The following BBX variants were observed in gnomAD, a reference collection of about 807,000 sequenced individuals.
BBX encodes the protein HMG box transcription factor BBX.
In BBX, 30 loss-of-function variants were observed where a neutral mutation model predicts 100.2. The observed-to-expected ratio is 0.30, with a 90% CI of 0.22 to 0.41. The LOEUF is 0.41. Among genes scored for constraint, BBX ranks in the 10% least tolerant of loss-of-function variants. The probability of loss-of-function intolerance (pLI) is 1.00; values close to 1 mark genes in which losing one functional copy is unlikely to be tolerated. For missense variants in BBX, 1,023 were observed against 1,129.8 expected, an observed-to-expected ratio of 0.91 and a Z score of 1.35; for synonymous variants, 376 against 388.1, an observed-to-expected ratio of 0.97 and a Z score of 0.37.
intron 15 of BBX, among the ~76,000 whole-genome samples, chr3:107,797,183 T>C (rs2069767358): frequency 1.3e-5 from 2 of 151,578 alleles, no homozygotes; most frequent in Non-Finnish European, 2.9e-5. Context: ...TTCATAGCCT[T>C]CTTTCTTGAG....
intron 2 of BBX, among the ~76,000 whole-genome samples, chr3:107,586,030 A>G (rs1021368355): frequency 2.0e-5 from 3 of 152,172 alleles, no homozygotes; most frequent in African/African-American, 4.8e-5. Context: ...ATGTTCTTTC[A>G]TATAACTGTA....
intron 3 of BBX, among the ~76,000 whole-genome samples, chr3:107,650,502 C>T (rs2057778946): frequency 6.6e-6 from 1 of 151,840 alleles, no homozygotes; most frequent in Non-Finnish European, 1.5e-5. Context: ...TGACGTTGTC[C>T]CCTTGTACTT....
chr3:107,721,166 G>A (rs139259529), intron 5 of BBX, among the ~76,000 whole-genome samples: 1 of 151,896 alleles, frequency 6.6e-6, no homozygotes, highest in Non-Finnish European at 1.5e-5. Flanking sequence ...TTAAAATTTT[G>A]TTTACATACT....
At chr3:107,608,900 T>A (rs555515245) in intron 2 of BBX, among the ~76,000 whole-genome samples, 4 of 152,360 alleles carry the variant, frequency 2.6e-5, no homozygotes, top group African/African-American at 9.6e-5. Context: ...TTTAGTACAC[T>A]GATCTTGTAT....
At chr3:107,535,811 C>T (rs1190730489) in intron 2 of BBX, among the ~76,000 whole-genome samples, 2 of 152,172 alleles carry the variant, frequency 1.3e-5, no homozygotes, top group South Asian at 2.1e-4. Flanking sequence ...GTTGGCCAGG[C>T]AGGTCTTCAA....
chr3:107,620,693 A>G (rs565352236), intron 2 of BBX, among the ~76,000 whole-genome samples: 1 of 152,284 alleles, frequency 6.6e-6, no homozygotes, highest in East Asian at 1.9e-4. Flanking sequence ...GCTTCTGCTG[A>G]TATCACTCTA....
intron 3 of BBX, among the ~76,000 whole-genome samples, chr3:107,691,887 C>G (rs1034332510): frequency 1.3e-5 from 2 of 152,112 alleles, no homozygotes; most frequent in Non-Finnish European, 2.9e-5. Flanking sequence ...AAACACTATA[C>G]TACTTAAAAT....
At chr3:107,528,282 A>G (rs2047917279) in intron 2 of BBX, among the ~76,000 whole-genome samples, 1 of 152,150 alleles carries the variant, frequency 6.6e-6, no homozygotes, top group Non-Finnish European at 1.5e-5. Flanking sequence ...CAAACTTCCC[A>G]TTTTATTATT....
At chr3:107,786,644 T>G (rs1284946141) in intron 13 of BBX, among the ~76,000 whole-genome samples, 3 of 152,124 alleles carry the variant, frequency 2.0e-5, no homozygotes, top group Non-Finnish European at 4.4e-5. Context: ...AAAATTTAAC[T>G]TAGAATAGAT....
chr3:107,588,239 A>T (rs748372534), intron 2 of BBX, among the ~76,000 whole-genome samples: 1 of 152,054 alleles, frequency 6.6e-6, no homozygotes, highest in Non-Finnish European at 1.5e-5. Flanking sequence ...TGTATGAGCC[A>T]GGTCTTAGAT....
chr3:107,545,061 C>T (rs909533467), intron 2 of BBX, among the ~76,000 whole-genome samples: 3 of 151,770 alleles, frequency 2.0e-5, no homozygotes, highest in African/African-American at 7.3e-5. Context: ...TAAGAGAATA[C>T]ATTATAGAGA....
At chr3:107,714,015 G>T (rs1272039338) in intron 4 of BBX, among the ~76,000 whole-genome samples, 2 of 86,146 alleles carry the variant, frequency 2.3e-5, no homozygotes, top group East Asian at 3.8e-4. Context: ...TTGCTCTGTT[G>T]CCCAGGCTGG....
rs1233694686 is a variant in BBX, at chr3:107,542,126, TAATA to T, written c.-84+15729_-84+15732del. On this transcript the variant is annotated intron_variant, in intron 2 of 17. Coordinates refer to ENST00000325805, the MANE Select transcript of BBX (RefSeq NM_001142568.3). ...GTTATTTCAGGATCAATTATTCAAT[TAATA>T]TTTTATATAATAGAAAGGTTTTATT... Among the ~76,000 whole-genome samples the T allele has an allele frequency of 2.6e-5, 4 of 152,334 alleles. No individual in the cohort carries two copies. In the East Asian group the frequency reaches 7.7e-4, roughly 29 times the overall value.
At chr3:107,713,965 TTC>T (rs1491079547) in intron 4 of BBX, among the ~76,000 whole-genome samples, 3 of 138,092 alleles carry the variant, frequency 2.2e-5, no homozygotes, top group South Asian at 4.5e-4. Flanking sequence ...AATAATTTTT[TTC>T]TTTTTTTTTT....
At chr3:107,625,392 C>T (rs1279517913) in intron 2 of BBX, among the ~76,000 whole-genome samples, 1 of 152,200 alleles carries the variant, frequency 6.6e-6, no homozygotes, top group Non-Finnish European at 1.5e-5. Flanking sequence ...ATTCTCTTGC[C>T]TCAGCCACCT....
intron 3 of BBX, among the ~76,000 whole-genome samples, chr3:107,670,421 T>C (rs984107599): frequency 6.6e-6 from 1 of 152,088 alleles, no homozygotes; most frequent in African/African-American, 2.4e-5. Flanking sequence ...AGAAGGAAGA[T>C]ATTGAATGTT....
At chr3:107,800,943 G>A in intron 16 of BBX, 152 bp from the exon 17 acceptor site, 1 of 735,296 alleles carries the variant, frequency 1.4e-6, no homozygotes. Flanking sequence ...GAGGAGAAGA[G>A]ATTCTGTAAA....
At chr3:107,663,565 A>T (rs2058574866) in intron 3 of BBX, among the ~76,000 whole-genome samples, 1 of 151,974 alleles carries the variant, frequency 6.6e-6, no homozygotes, top group Non-Finnish European at 1.5e-5. Context: ...CGTTTTTCTC[A>T]TACTTATGTA....
intron 13 of BBX, among the ~76,000 whole-genome samples, chr3:107,789,382 G>A (rs923190649): frequency 6.6e-6 from 1 of 152,148 alleles, no homozygotes; most frequent in East Asian, 1.9e-4. Flanking sequence ...TATCCTTGTT[G>A]TGAAAAGCAG....
Sources: gnomAD v4.1 joint callset for allele counts (sites outside exome capture counted in the v4.1 genomes callset) on GRCh38, gnomAD v4.1.1 for gene constraint, MANE v1.5 for transcripts, NCBI Gene and HGNC (gene_info 2026-07-23, HGNC 2026-07-21) for gene names.